The following ANO6 variants were observed in gnomAD, a reference collection of about 807,000 sequenced individuals.
ANO6 encodes the protein anoctamin 6, also known as anoctamin-6.
ANO6 carries 106 observed loss-of-function variants against 117.5 expected under a neutral mutation model. The ratio of observed to expected loss-of-function variants is 0.90; its 90% CI spans 0.77 to 1.06. The LOEUF is 1.06. Among genes scored for constraint, ANO6 ranks in the 50% least tolerant of loss-of-function variants. ANO6 has a pLI of 0.00. For missense variants in ANO6, 955 were observed against 1,121.1 expected (o/e 0.85, Z 2.12); for synonymous variants, 367 against 385.1 (o/e 0.95, Z 0.55).
At chr12:45,364,630 G>GT (rs1941638281) in intron 8 of ANO6, among the ~76,000 whole-genome samples, 1 of 152,000 alleles carries the variant, frequency 6.6e-6, no homozygotes, top group Non-Finnish European at 1.5e-5. Context: ...TTGCTAATTG[G>GT]TTCTTTTTAA....
At chr12:45,223,259 G>C (rs1947432823) in intron 1 of ANO6, among the ~76,000 whole-genome samples, 1 of 152,146 alleles carries the variant, frequency 6.6e-6, no homozygotes, top group African/African-American at 2.4e-5. Context: ...ATTGGCATCA[G>C]AAGTAGTGGG....
Position 45,388,253 on chromosome 12 carries a change from C to T in ANO6, c.1258C>T (p.Pro420Ser). ...GTTACAGCAGGAAGAACAAGCCCGA[C>T]CAGAATACGAAGCACGATGTACTCA... ...VELQQEEQAR[P>S]EYEARCTHVV... Residue 420 changes from proline to serine, a missense_variant, in exon 11 of 20, where the codon CCA becomes TCA. Coordinates refer to ENST00000320560, the MANE Select transcript of ANO6 (RefSeq NM_001025356.3). The T allele has an allele frequency of 6.2e-7, 1 of 1,614,052 alleles. No homozygotes were observed. The highest frequency in any genetic ancestry group is 1.1e-5 in the South Asian group (1 of 91,072).
rs2162321 is a variant in ANO6 at position 45,348,064 on chromosome 12, G to A, written c.382G>A (p.Ala128Thr). The A allele has an allele frequency of 6.5e-3, 10,566 of 1,613,824 alleles. 481 individuals are homozygous for A. The African/African-American group carries it at 0.11, about 17-fold the overall frequency. ...CAAGCTTGTATTTGTAAAAGTACAC[G>A]CACCATGGGAGGTGTTATGTACGTA... ...DDKLVFVKVH[A>T]PWEVLCTYAE... The change falls in exon 5 of 20, where the codon GCA (alanine) becomes ACA (threonine). Residue 128 changes from alanine (A) to threonine (T), a missense_variant. Transcript: ENST00000320560.
At chr12:45,263,250 C>T (rs568456435) in intron 1 of ANO6, among the ~76,000 whole-genome samples, 6 of 150,820 alleles carry the variant, frequency 4.0e-5, no homozygotes, top group African/African-American at 1.4e-4. Context: ...CTTTCTCTGT[C>T]ACCCAGGCTG....
rs546154973 is a variant in ANO6, at chr12:45,274,542, G to C, written c.71-27472G>C. On this transcript the variant is annotated intron_variant, in intron 1 of 19. Coordinates refer to ENST00000320560, the MANE Select transcript of ANO6 (RefSeq NM_001025356.3). The stretch of plus-strand genomic sequence containing the variant: ...ACTACTAAGTTTTGCAAGGACTCCT[G>C]TAGTCGCTTCCTGCCACCATTCATG... Among the ~76,000 whole-genome samples the C allele has an allele frequency of 3.4e-4, 52 of 152,128 alleles. No individual in the cohort carries two copies. The South Asian group carries it at 0.011, about 32-fold the overall frequency.
intron 18 of ANO6, among the ~76,000 whole-genome samples, chr12:45,421,600 T>C (rs559893455): frequency 1.3e-5 from 2 of 152,262 alleles, no homozygotes; most frequent in South Asian, 2.1e-4. Flanking sequence ...TACAGGGAGA[T>C]TGATTCCAAA....
At chr12:45,397,043 C>T (rs1319606727) in intron 12 of ANO6, among the ~76,000 whole-genome samples, 1 of 152,178 alleles carries the variant, frequency 6.6e-6, no homozygotes. Flanking sequence ...AAACTACCAT[C>T]AGAGTGAATA....
At chr12:45,265,942 G>A (rs567009249) in intron 1 of ANO6, among the ~76,000 whole-genome samples, 2 of 152,314 alleles carry the variant, frequency 1.3e-5, no homozygotes, top group East Asian at 3.9e-4. Context: ...TAGGGACACA[G>A]TTCTTGCCTT....
At chr12:45,231,013 G>A (rs1254129571) in intron 1 of ANO6, among the ~76,000 whole-genome samples, 3 of 152,090 alleles carry the variant, frequency 2.0e-5, no homozygotes, top group Non-Finnish European at 4.4e-5. Context: ...AGGCTGAGGT[G>A]GGAGGACTGC....
Position 45,297,437 on chromosome 12 carries a change from T to C in ANO6, c.71-4577T>C, listed in dbSNP as rs1939331659. ...ACTTGTAGACAATGGCTCTTTTTAT[T>C]GGCCAGTTTATATAAGTCTCAAACA... On this transcript the variant is annotated intron_variant, in intron 1 of 19. Transcript: ENST00000320560. Among the ~76,000 whole-genome samples, 4 of 152,362 alleles carry C rather than the reference T, an allele frequency of 2.6e-5. No homozygotes were observed. The South Asian group carries it at 8.3e-4, about 32-fold the overall frequency.
At chr12:45,355,807 T>C (rs1442807717) in intron 7 of ANO6, among the ~76,000 whole-genome samples, 1 of 152,150 alleles carries the variant, frequency 6.6e-6, no homozygotes, top group Non-Finnish European at 1.5e-5. Context: ...TGTGAGTGCT[T>C]GTCCAGCCCA....
At chr12:45,297,035 A>G (rs1171696042) in intron 1 of ANO6, among the ~76,000 whole-genome samples, 1 of 152,244 alleles carries the variant, frequency 6.6e-6, no homozygotes, top group Non-Finnish European at 1.5e-5. Flanking sequence ...TATCACTAGC[A>G]TTAGATAAAT....
chr12:45,280,492 A>G (rs760379784), intron 1 of ANO6, among the ~76,000 whole-genome samples: 2 of 152,170 alleles, frequency 1.3e-5, no homozygotes, highest in African/African-American at 2.4e-5. Context: ...TGTAGGAATC[A>G]TTTTGCATAG....
intron 6 of ANO6, among the ~76,000 whole-genome samples, chr12:45,349,575 C>T (rs1228165805): frequency 6.6e-6 from 1 of 151,964 alleles, no homozygotes; most frequent in Non-Finnish European, 1.5e-5. Flanking sequence ...CTGTGTAAGA[C>T]CAAAGAAAGT....
chr12:45,424,242 T>C (rs993278330), intron 19 of ANO6, among the ~76,000 whole-genome samples: 2 of 150,598 alleles, frequency 1.3e-5, no homozygotes, highest in African/African-American at 2.4e-5. Context: ...GCAAAACTTC[T>C]AGAGCCAGCT....
chr12:45,396,060 T>G (rs1200446568), intron 12 of ANO6, among the ~76,000 whole-genome samples: 1 of 152,212 alleles, frequency 6.6e-6, no homozygotes, highest in Non-Finnish European at 1.5e-5. Flanking sequence ...TTGTCCCTGT[T>G]TGCAGATGAC....
At chr12:45,242,286 A>T (rs1229430241) in intron 1 of ANO6, among the ~76,000 whole-genome samples, 1 of 152,202 alleles carries the variant, frequency 6.6e-6, no homozygotes, top group Admixed American at 6.5e-5. Context: ...GCAATGGCAG[A>T]CACCCCTTCC....
intron 3 of ANO6, among the ~76,000 whole-genome samples, chr12:45,345,761 A>C (rs1377712707): frequency 6.6e-6 from 1 of 152,130 alleles, no homozygotes; most frequent in Non-Finnish European, 1.5e-5. Context: ...AATAAATCAG[A>C]TTTTGAACCC....
chr12:45,405,233 GA>G (rs1345326399), intron 15 of ANO6, among the ~76,000 whole-genome samples: 2 of 152,018 alleles, frequency 1.3e-5, no homozygotes, highest in African/African-American at 4.8e-5. Context: ...ATATAAAATT[GA>G]GGAAAGTCTT....
Sources: gnomAD v4.1 joint callset for allele counts (sites outside exome capture counted in the v4.1 genomes callset) on GRCh38, gnomAD v4.1.1 for gene constraint, MANE v1.5 for transcripts, NCBI Gene and HGNC (gene_info 2026-07-23, HGNC 2026-07-21) for gene names.